The following THSD7B variants were observed in gnomAD, a reference collection of about 807,000 sequenced individuals.
THSD7B encodes the protein thrombospondin type-1 domain-containing protein 7B.
In THSD7B, 138 loss-of-function variants were observed where a neutral mutation model predicts 213.6. That is an observed-to-expected ratio of 0.65 (90% CI 0.56 to 0.74). The LOEUF (loss-of-function observed/expected upper bound fraction) is 0.74, where lower values mean the gene tolerates loss of function less well. THSD7B is among the 30% of genes least tolerant of loss of function. The probability of loss-of-function intolerance (pLI) is 0.00; values close to 1 mark genes in which losing one functional copy is unlikely to be tolerated. For synonymous variants in THSD7B, 742 were observed against 687.0 expected, an observed-to-expected ratio of 1.08 and a Z score of -1.25; for missense variants, 1,931 against 1,991.5, an observed-to-expected ratio of 0.97 and a Z score of 0.58.
At chr2:136,844,204 G>T (rs2104957935) in intron 1 of THSD7B, among the ~76,000 whole-genome samples, 1 of 152,170 alleles carries the variant, frequency 6.6e-6, no homozygotes, top group South Asian at 2.1e-4. Context: ...TTAACACAGG[G>T]GTTAACGTAG....
chr2:136,869,082 C>CT (rs949337546), intron 1 of THSD7B, among the ~76,000 whole-genome samples: 2 of 151,884 alleles, frequency 1.3e-5, no homozygotes, highest in African/African-American at 4.8e-5. Flanking sequence ...ATTTAACTTC[C>CT]TTTTTTTATA....
At chr2:137,510,536 C>T (rs1679940028) in intron 15 of THSD7B, among the ~76,000 whole-genome samples, 1 of 152,150 alleles carries the variant, frequency 6.6e-6, no homozygotes, top group South Asian at 2.1e-4. Flanking sequence ...TATATATTTA[C>T]ACCATACTTA....
intron 1 of THSD7B, among the ~76,000 whole-genome samples, chr2:136,805,610 G>T (rs990814473): frequency 2.0e-5 from 3 of 152,060 alleles, no homozygotes; most frequent in African/African-American, 7.2e-5. Flanking sequence ...CATTTATCCC[G>T]CTGTGAGCTC....
At chr2:137,478,225 C>A (rs1427416731) in intron 15 of THSD7B, among the ~76,000 whole-genome samples, 3 of 152,132 alleles carry the variant, frequency 2.0e-5, no homozygotes, top group Admixed American at 2.0e-4. Flanking sequence ...ACCAAAAATT[C>A]ACTCTGTGGT....
intron 12 of THSD7B, among the ~76,000 whole-genome samples, chr2:137,304,588 T>C (rs1039593039): frequency 1.3e-5 from 2 of 152,128 alleles, no homozygotes; most frequent in Non-Finnish European, 2.9e-5. Context: ...CAAATTACAC[T>C]TGACTTCATA....
At chr2:136,816,186 A>C (rs1453551391) in intron 1 of THSD7B, among the ~76,000 whole-genome samples, 1 of 152,186 alleles carries the variant, frequency 6.6e-6, no homozygotes, top group Non-Finnish European at 1.5e-5. Flanking sequence ...TTTAGCAGAC[A>C]TCAGAATTTG....
chr2:137,241,911 GAAA>G lies in THSD7B; in HGVS notation c.2151-533_2151-531del, dbSNP rs201903054. 4.8e-3 allele frequency among the ~76,000 whole-genome samples: 504 copies of G among 105,560 alleles called. 7 individuals are homozygous for G. Among genetic ancestry groups the G allele is most frequent in the African/African-American group, 0.017 (476 of 28,248 alleles). 69.3% of individuals were successfully genotyped at this position (105,560 alleles called of 152,430 possible). ...GGGACAGAGTGAGACTCCATCTCAG[GAAA>G]AAAAAAAAAAAAGAAAAGGAAAGAA... On this transcript the variant is annotated intron_variant, in intron 9 of 27. Transcript: ENST00000409968.
chr2:136,787,508 CT>C (rs1181633003), intron 1 of THSD7B, among the ~76,000 whole-genome samples: 1 of 152,058 alleles, frequency 6.6e-6, no homozygotes, highest in Non-Finnish European at 1.5e-5. Context: ...GAATAGGTTG[CT>C]TTATAAAATG....
At chr2:137,429,485 T>G (rs1156548400) in intron 14 of THSD7B, among the ~76,000 whole-genome samples, 1 of 152,208 alleles carries the variant, frequency 6.6e-6, no homozygotes, top group Non-Finnish European at 1.5e-5. Context: ...CACACACATT[T>G]ATAAAATATT....
At chr2:137,356,849 G>A (rs1224468537) in intron 12 of THSD7B, among the ~76,000 whole-genome samples, 1 of 151,966 alleles carries the variant, frequency 6.6e-6, no homozygotes, top group Non-Finnish European at 1.5e-5. Flanking sequence ...TTGTTTTGGG[G>A]TAGTTTGTAT....
chr2:136,891,294 C>T (rs1438013994), intron 2 of THSD7B, among the ~76,000 whole-genome samples: 1 of 152,126 alleles, frequency 6.6e-6, no homozygotes, highest in African/African-American at 2.4e-5. Context: ...TATTGGCTAT[C>T]TCTTTAGTGT....
intron 7 of THSD7B, among the ~76,000 whole-genome samples, chr2:137,200,665 T>A (rs563708113): frequency 1.3e-5 from 2 of 152,124 alleles, no homozygotes; most frequent in African/African-American, 2.4e-5. Flanking sequence ...ATTTTTTTTT[T>A]AATTTAAGAA....
intron 15 of THSD7B, among the ~76,000 whole-genome samples, chr2:137,480,843 A>G (rs1487259908): frequency 6.6e-6 from 1 of 152,266 alleles, no homozygotes; most frequent in Non-Finnish European, 1.5e-5. Context: ...ATTTTATAAT[A>G]ATTTTTCCCA....
chr2:137,094,842 G>A (rs533249064), intron 3 of THSD7B, 31 bp from the exon 4 acceptor site: 57 of 1,600,080 alleles, frequency 3.6e-5, no homozygotes, highest in Admixed American at 3.4e-5. Context: ...TTAATATATG[G>A]CCTCCTATTT....
At chr2:137,250,012 T>C (rs980317477) in intron 10 of THSD7B, among the ~76,000 whole-genome samples, 3 of 152,208 alleles carry the variant, frequency 2.0e-5, no homozygotes, top group Non-Finnish European at 4.4e-5. Context: ...GAAGTTGCCA[T>C]ATGGCCTCAA....
intron 7 of THSD7B, among the ~76,000 whole-genome samples, chr2:137,229,515 A>G (rs1406922415): frequency 1.3e-5 from 2 of 152,198 alleles, no homozygotes. Context: ...CCTCAAGGGC[A>G]ATGAGCCTGG....
At chr2:137,179,604 T>C (rs946417657) in intron 7 of THSD7B, among the ~76,000 whole-genome samples, 2 of 152,030 alleles carry the variant, frequency 1.3e-5, no homozygotes, top group African/African-American at 4.8e-5. Context: ...AAGGCCCTTC[T>C]ACCCCATGCA....
chr2:137,640,480 A>G (rs1682919303), intron 20 of THSD7B, among the ~76,000 whole-genome samples: 1 of 152,228 alleles, frequency 6.6e-6, no homozygotes, highest in South Asian at 2.1e-4. Flanking sequence ...ATAGGTAGCT[A>G]TCTTAGCTGT....
chr2:137,158,004 A>G (rs1224215888), intron 5 of THSD7B, among the ~76,000 whole-genome samples: 3 of 152,238 alleles, frequency 2.0e-5, no homozygotes, highest in African/African-American at 2.4e-5. Context: ...CCATCCAGCT[A>G]TGCAGCTTTC....
Sources: allele counts gnomAD v4.1 joint callset (sites outside exome capture counted in the v4.1 genomes callset), GRCh38; gene constraint gnomAD v4.1.1; transcripts MANE v1.5; gene names NCBI Gene and HGNC (gene_info 2026-07-23, HGNC 2026-07-21).